KCNQ3: variants seen among roughly 807,000 people sequenced by gnomAD.
KCNQ3 encodes the protein potassium voltage-gated channel subfamily Q member 3.
KCNQ3 carries 30 observed loss-of-function variants against 92.5 expected under a neutral mutation model. The observed-to-expected ratio is 0.32, with a 90% CI of 0.24 to 0.44. KCNQ3 has a LOEUF of 0.44. Ranked by LOEUF, KCNQ3 falls within the 20% of genes least tolerant of loss-of-function variation. The pLI is 1.00. For missense variants in KCNQ3, 913 were observed against 1,140.3 expected (o/e 0.80, Z 2.87); for synonymous variants, 450 against 468.8 (o/e 0.96, Z 0.52).
Position 132,172,659 on chromosome 8 carries a change from T to G in KCNQ3, c.1079A>C (p.Gln360Pro). Residue 360 changes from glutamine (Q) to proline (P), a missense_variant, in exon 7 of 15, where the codon CAG (glutamine) becomes CCG (proline). Coordinates refer to ENST00000388996, the MANE Select transcript of KCNQ3 (RefSeq NM_004519.4). ...AAAGTGCTTCTGACGGTGTTGCTCC[T>G]GCACCTTGAGGGCCAGCCCGGACCC... Reference protein sequence around the residue: ...ILGSGLALKVQEQHRQKHFEK... With the variant: ...ILGSGLALKVPEQHRQKHFEK... The G allele has an allele frequency of 6.2e-7, 1 of 1,613,998 alleles. No homozygotes were observed. The highest frequency in any genetic ancestry group is 8.5e-7 in the Non-Finnish European group (1 of 1,180,018).
intron 1 of KCNQ3, among the ~76,000 whole-genome samples, chr8:132,445,693 T>A (rs527632977): frequency 1.3e-5 from 1 of 78,200 alleles, no homozygotes; most frequent in African/African-American, 5.3e-5. Context: ...ACACAAAAAA[T>A]CATTATTATT....
intron 1 of KCNQ3, among the ~76,000 whole-genome samples, chr8:132,446,792 CG>C (rs1821688501): frequency 6.6e-6 from 1 of 152,110 alleles, no homozygotes; most frequent in Non-Finnish European, 1.5e-5. Context: ...TCCCAGGCGA[CG>C]GGAGGACAAA....
chr8:132,368,032 G>C, intron 1 of KCNQ3, among the ~76,000 whole-genome samples: 1 of 152,146 alleles, frequency 6.6e-6, no homozygotes, highest in African/African-American at 2.4e-5. Flanking sequence ...CTTCTTCAAG[G>C]AGGTATCACA....
chr8:132,298,433 G>A, intron 1 of KCNQ3, among the ~76,000 whole-genome samples: 1 of 152,164 alleles, frequency 6.6e-6, no homozygotes, highest in Non-Finnish European at 1.5e-5. Context: ...TGCTGGAGGG[G>A]AAGTATGTAC....
At chr8:132,390,031 T>A (rs1376615708) in intron 1 of KCNQ3, among the ~76,000 whole-genome samples, 1 of 152,180 alleles carries the variant, frequency 6.6e-6, no homozygotes, top group Admixed American at 6.5e-5. Context: ...TAAATATCCA[T>A]CGACTGCCAT....
At chr8:132,374,165 G>T (rs1234221817) in intron 1 of KCNQ3, among the ~76,000 whole-genome samples, 2 of 152,092 alleles carry the variant, frequency 1.3e-5, no homozygotes, top group African/African-American at 4.8e-5. Context: ...TTGGAACACT[G>T]GCCATGACCC....
At chr8:132,217,756 G>A (rs1290662382) in intron 1 of KCNQ3, among the ~76,000 whole-genome samples, 1 of 147,862 alleles carries the variant, frequency 6.8e-6, no homozygotes, top group African/African-American at 2.5e-5. Context: ...CTGAACTATT[G>A]AGTATCTTTC....
chr8:132,426,870 C>T (rs1821127077), intron 1 of KCNQ3, among the ~76,000 whole-genome samples: 1 of 152,184 alleles, frequency 6.6e-6, no homozygotes, highest in Non-Finnish European at 1.5e-5. Flanking sequence ...TCCTCACTTT[C>T]ATGCATAAAC....
At chr8:132,428,311 G>A (rs1345360579) in intron 1 of KCNQ3, among the ~76,000 whole-genome samples, 2 of 152,112 alleles carry the variant, frequency 1.3e-5, no homozygotes, top group African/African-American at 4.8e-5. Flanking sequence ...CCTTAAAGAA[G>A]TCTTTTCCAA....
At chr8:132,467,708 C>T (rs1822205660) in intron 1 of KCNQ3, among the ~76,000 whole-genome samples, 1 of 152,168 alleles carries the variant, frequency 6.6e-6, no homozygotes, top group African/African-American at 2.4e-5. Flanking sequence ...ACTCATCTTG[C>T]CCTTGAAAGA....
At chr8:132,421,606 A>G (rs1016675144) in intron 1 of KCNQ3, among the ~76,000 whole-genome samples, 2 of 152,116 alleles carry the variant, frequency 1.3e-5, no homozygotes, top group Non-Finnish European at 2.9e-5. Flanking sequence ...ATGACAGGTG[A>G]AAGTGGTCTT....
intron 1 of KCNQ3, among the ~76,000 whole-genome samples, chr8:132,435,167 C>G (rs949767961): frequency 6.6e-6 from 1 of 152,166 alleles, no homozygotes; most frequent in African/African-American, 2.4e-5. Context: ...AGGAGCATGC[C>G]CAGGACCTCC....
At chr8:132,408,880 C>A (rs555353922) in intron 1 of KCNQ3, among the ~76,000 whole-genome samples, 1 of 152,300 alleles carries the variant, frequency 6.6e-6, no homozygotes, top group South Asian at 2.1e-4. Flanking sequence ...TGCCAACAAC[C>A]AGTGAGCTTG....
chr8:132,302,308 C>A (rs1295493300), intron 1 of KCNQ3, among the ~76,000 whole-genome samples: 1 of 152,218 alleles, frequency 6.6e-6, no homozygotes, highest in Admixed American at 6.5e-5. Context: ...ATCCAGATTT[C>A]CCTCTTCTAC....
intron 1 of KCNQ3, among the ~76,000 whole-genome samples, chr8:132,233,865 A>G (rs1441711797): frequency 6.6e-6 from 1 of 152,228 alleles, no homozygotes; most frequent in Non-Finnish European, 1.5e-5. Flanking sequence ...GCAAAAAAAA[A>G]TATTCAAAGC....
At chr8:132,293,235 C>A (rs1000998251) in intron 1 of KCNQ3, among the ~76,000 whole-genome samples, 7 of 152,170 alleles carry the variant, frequency 4.6e-5, no homozygotes, top group Non-Finnish European at 7.3e-5. Context: ...GCAAATCAAT[C>A]GAACTCAAAG....
At chr8:132,390,211 G>A (rs1415505639) in intron 1 of KCNQ3, among the ~76,000 whole-genome samples, 2 of 152,124 alleles carry the variant, frequency 1.3e-5, no homozygotes, top group African/African-American at 4.8e-5. Flanking sequence ...AACAGACAAA[G>A]AAAAAGTATA....
At chr8:132,211,954 A>G (rs958751786) in intron 1 of KCNQ3, among the ~76,000 whole-genome samples, 6 of 126,240 alleles carry the variant, frequency 4.8e-5, no homozygotes, top group Admixed American at 2.3e-4. Context: ...CTCCATCTCA[A>G]AAAAAAAAAA....
rs1029106482 is a variant in KCNQ3 at position 132,364,674 on chromosome 8, C to T, written c.386+115473G>A. The stretch of plus-strand genomic sequence containing the variant: ...CAAATGGGTTTAGTAAATGGATGGA[C>T]GGACGGACGGACGGACGGACGGATG... On this transcript the variant is annotated intron_variant, in intron 1 of 14. Coordinates refer to ENST00000388996, the MANE Select transcript of KCNQ3 (RefSeq NM_004519.4). Among the ~76,000 whole-genome samples, 5 of 146,048 alleles carry T rather than the reference C, an allele frequency of 3.4e-5. No individual in the cohort carries two copies. The East Asian group carries it at 6.0e-4, about 18-fold the overall frequency.
Sources: allele counts gnomAD v4.1 joint callset (sites outside exome capture counted in the v4.1 genomes callset), GRCh38; gene constraint gnomAD v4.1.1; transcripts MANE v1.5; gene names NCBI Gene and HGNC (gene_info 2026-07-23, HGNC 2026-07-21).